Variants in AUTS2 observed in about 807,000 individuals in gnomAD.
AUTS2 encodes the protein activator of transcription and developmental regulator AUTS2.
Under a neutral mutation model 112.4 loss-of-function variants are expected in AUTS2, and 17 were observed. The ratio of observed to expected loss-of-function variants is 0.15; its 90% CI spans 0.10 to 0.23. The LOEUF is 0.23. AUTS2 is among the 10% of genes least tolerant of loss of function. The pLI is 1.00. For synonymous variants in AUTS2, 751 were observed against 702.7 expected (o/e 1.07, Z -1.09); for missense variants, 1,510 against 1,701.6 (o/e 0.89, Z 1.98).
intron 1 of AUTS2, among the ~76,000 whole-genome samples, chr7:69,828,760 G>A (rs1202070763): frequency 1.3e-5 from 2 of 151,988 alleles, no homozygotes; most frequent in African/African-American, 4.8e-5. Flanking sequence ...ACTTCTGCTA[G>A]CATTTTCTCC....
At chr7:69,933,555 T>C (rs1230799846) in intron 2 of AUTS2, among the ~76,000 whole-genome samples, 1 of 152,228 alleles carries the variant, frequency 6.6e-6, no homozygotes, top group African/African-American at 2.4e-5. Context: ...GTCACAGTTA[T>C]GTTGGTTCTG....
chr7:69,622,925 C>T (rs1031684318), intron 1 of AUTS2, among the ~76,000 whole-genome samples: 2 of 152,196 alleles, frequency 1.3e-5, no homozygotes, highest in Non-Finnish European at 2.9e-5. Context: ...TGCTCATTAC[C>T]ACACCTGGAT....
At chr7:69,827,902 T>C (rs2129527158) in intron 1 of AUTS2, among the ~76,000 whole-genome samples, 1 of 152,310 alleles carries the variant, frequency 6.6e-6, no homozygotes, top group African/African-American at 2.4e-5. Flanking sequence ...TCCTCTTCTT[T>C]TAATTTTGCC....
At chr7:69,789,499 T>C (rs1789523657) in intron 1 of AUTS2, among the ~76,000 whole-genome samples, 1 of 152,222 alleles carries the variant, frequency 6.6e-6, no homozygotes, top group Non-Finnish European at 1.5e-5. Flanking sequence ...TCTGTTAACA[T>C]TCTCTTAGAA....
intron 5 of AUTS2, among the ~76,000 whole-genome samples, chr7:70,614,849 C>G (rs190448788): frequency 6.6e-6 from 1 of 152,240 alleles, no homozygotes; most frequent in South Asian, 2.1e-4. Flanking sequence ...CTTCCCCTGG[C>G]TGGTCGGCAG....
chr7:70,014,953 G>A (rs1799964048), intron 2 of AUTS2, among the ~76,000 whole-genome samples: 2 of 152,334 alleles, frequency 1.3e-5, no homozygotes, highest in Admixed American at 1.3e-4. Context: ...AATATATGCA[G>A]CACAAAGCTG....
At chr7:70,075,857 A>G (rs1803001694) in intron 2 of AUTS2, among the ~76,000 whole-genome samples, 1 of 152,222 alleles carries the variant, frequency 6.6e-6, no homozygotes, top group African/African-American at 2.4e-5. Flanking sequence ...ATGTTATGCC[A>G]TCTATATTCC....
At chr7:69,846,851 G>A (rs1792224860) in intron 1 of AUTS2, among the ~76,000 whole-genome samples, 1 of 152,196 alleles carries the variant, frequency 6.6e-6, no homozygotes, top group African/African-American at 2.4e-5. Flanking sequence ...GGGATTACAG[G>A]CATGAGCCAC....
intron 4 of AUTS2, among the ~76,000 whole-genome samples, chr7:70,191,161 CTTTTT>C (rs34637651): frequency 4.6e-5 from 4 of 86,422 alleles, no homozygotes; most frequent in Non-Finnish European, 6.3e-5. Flanking sequence ...CCACTTATTT[CTTTTT>C]TTTTTTTTTT....
chr7:70,484,349 T>C (rs1012859010), intron 5 of AUTS2, among the ~76,000 whole-genome samples: 1 of 152,216 alleles, frequency 6.6e-6, no homozygotes, highest in African/African-American at 2.4e-5. Context: ...ATTTCCACTC[T>C]TAGAAGTCAG....
At chr7:70,534,400 G>A (rs960279000) in intron 5 of AUTS2, among the ~76,000 whole-genome samples, 10 of 21,114 alleles carry the variant, frequency 4.7e-4, no homozygotes, top group South Asian at 2.4e-3. Flanking sequence ...ATATGAATTT[G>A]TTTGTTTGTT....
At chr7:70,278,285 G>A (rs1158740979) in intron 4 of AUTS2, among the ~76,000 whole-genome samples, 2 of 152,100 alleles carry the variant, frequency 1.3e-5, no homozygotes, top group African/African-American at 4.8e-5. Context: ...TTTTAAATGA[G>A]GATTCATTTT....
intron 1 of AUTS2, among the ~76,000 whole-genome samples, chr7:69,770,976 T>C (rs1788638501): frequency 6.6e-6 from 1 of 152,110 alleles, no homozygotes; most frequent in South Asian, 2.1e-4. Context: ...GGTTTTAGAG[T>C]AGATCACAAA....
intron 5 of AUTS2, among the ~76,000 whole-genome samples, chr7:70,653,070 CAT>C (rs1806592156): frequency 6.6e-6 from 1 of 152,020 alleles, no homozygotes; most frequent in Non-Finnish European, 1.5e-5. Context: ...GCCTGGGCAA[CAT>C]AGGAAGACTC....
At chr7:70,473,671 G>C (rs1338713511) in intron 5 of AUTS2, among the ~76,000 whole-genome samples, 1 of 151,618 alleles carries the variant, frequency 6.6e-6, no homozygotes, top group Non-Finnish European at 1.5e-5. Flanking sequence ...GGAGTCAAGA[G>C]AGTGCTTTGT....
rs376954698 is a variant in AUTS2, at chr7:70,710,154, T to A, written c.742+11534T>A. On this transcript the variant is annotated intron_variant, in intron 6 of 18. Transcript: ENST00000342771. Reference sequence around the variant, plus strand: ...CCACTGTATATATAAGTACTTAGGGTTCCTTTGTACTTGACTTCTCAAGTG... The same window carrying A: ...CCACTGTATATATAAGTACTTAGGGATCCTTTGTACTTGACTTCTCAAGTG... Among the ~76,000 whole-genome samples, 23 of 151,606 alleles carry A rather than the reference T, an allele frequency of 1.5e-4. 1 individual carries two copies. The East Asian group carries it at 3.5e-3, about 23-fold the overall frequency.
chr7:70,784,864 C>CTTAAGCAAGTAGAAGCCGGTTGCATCTT, intron 15 of AUTS2, 78 bp from the exon 16 acceptor site: 1 of 1,362,816 alleles, frequency 7.3e-7, no homozygotes, highest in African/African-American at 1.4e-5. Flanking sequence ...TCACGGGGCC[C>CTTAAGCAAGTAGAAGCCGGTTGCATCTT]TTAAGCAAGT....
At chr7:69,757,621 T>C (rs555203237) in intron 1 of AUTS2, among the ~76,000 whole-genome samples, 1 of 152,312 alleles carries the variant, frequency 6.6e-6, no homozygotes, top group South Asian at 2.1e-4. Context: ...TTGATTTTAG[T>C]GTGTTTTATT....
intron 1 of AUTS2, among the ~76,000 whole-genome samples, chr7:69,626,921 C>T (rs1793980336): frequency 6.6e-6 from 1 of 152,018 alleles, no homozygotes; most frequent in African/African-American, 2.4e-5. Flanking sequence ...AATGTATTGC[C>T]TGAGCAGAGA....
Sources: gnomAD v4.1 joint callset for allele counts (sites outside exome capture counted in the v4.1 genomes callset) on GRCh38, gnomAD v4.1.1 for gene constraint, MANE v1.5 for transcripts, NCBI Gene and HGNC (gene_info 2026-07-23, HGNC 2026-07-21) for gene names.